The following DCK variants were observed in gnomAD, a reference collection of about 807,000 sequenced individuals.
The protein encoded by DCK is deoxycytidine kinase, also known as deoxyadenosine kinase.
DCK carries 23 observed loss-of-function variants against 38.3 expected under a neutral mutation model. That is an observed-to-expected ratio of 0.60 (90% CI 0.43 to 0.85). The LOEUF (loss-of-function observed/expected upper bound fraction) is 0.85. Among genes scored for constraint, DCK ranks in the 40% least tolerant of loss-of-function variants. The pLI, the probability that DCK is intolerant of heterozygous loss-of-function variation, is 0.00. For missense variants in DCK, 259 were observed against 304.4 expected (o/e 0.85, Z 1.11); for synonymous variants, 108 against 100.6 (o/e 1.07, Z -0.44).
At chr4:71,013,487 A>T (rs955077297) in intron 2 of DCK, among the ~76,000 whole-genome samples, 7 of 152,236 alleles carry the variant, frequency 4.6e-5, no homozygotes, top group Non-Finnish European at 8.8e-5. Flanking sequence ...ATGAAGGGAA[A>T]AATGTTAATG....
chr4:71,000,017 CTTAGT>C (rs1182265225), intron 2 of DCK, among the ~76,000 whole-genome samples: 2 of 152,070 alleles, frequency 1.3e-5, no homozygotes, highest in East Asian at 3.9e-4. Flanking sequence ...GCAGAAGCTC[CTTAGT>C]TTAATTAGAT....
chr4:71,023,974 G>A (rs1308672866), intron 4 of DCK, among the ~76,000 whole-genome samples: 1 of 151,970 alleles, frequency 6.6e-6, no homozygotes, highest in East Asian at 1.9e-4. Flanking sequence ...TCTAACATTT[G>A]CAGACTCTTC....
chr4:71,010,976 G>A (rs952580930), intron 2 of DCK, among the ~76,000 whole-genome samples: 5 of 146,752 alleles, frequency 3.4e-5, no homozygotes, highest in Admixed American at 2.8e-4. Flanking sequence ...TCGTTCTGTC[G>A]CTCAGGCTGA....
intron 2 of DCK, among the ~76,000 whole-genome samples, chr4:71,018,262 G>T (rs922312462): frequency 6.6e-6 from 1 of 151,600 alleles, no homozygotes; most frequent in African/African-American, 2.4e-5. Flanking sequence ...GAGTAGCTGA[G>T]ACTACAGGCG....
intron 1 of DCK, among the ~76,000 whole-genome samples, chr4:70,995,941 C>T (rs569780830): frequency 6.6e-6 from 1 of 151,222 alleles, no homozygotes; most frequent in African/African-American, 2.4e-5. Flanking sequence ...GCCAGTGGCT[C>T]AAGCTTGTAA....
intron 2 of DCK, chr4:71,006,396 A>G: frequency 2.4e-6 from 1 of 422,780 alleles, no homozygotes; most frequent in Non-Finnish European, 3.2e-6. Flanking sequence ...CGTTGCTAAG[A>G]TTTTCGTTTC....
chr4:71,005,055 C>T (rs1011853724), intron 2 of DCK, among the ~76,000 whole-genome samples: 6 of 152,314 alleles, frequency 3.9e-5, no homozygotes, highest in African/African-American at 9.6e-5. Context: ...CAGCTAACTC[C>T]GTGTCTGCCC....
In DCK at chr4:71,029,544, C is replaced by A; in HGVS notation, c.*166C>A. ...TGAATCTTATGCAAAACTTTTTGAC[C>A]AGTTTCTTTTCTTTTGTTTTTTTTT... is the stretch of plus-strand genomic sequence containing the variant. On this transcript the variant is annotated 3_prime_UTR_variant, in exon 7 of 7. Coordinates refer to ENST00000286648, the MANE Select transcript of DCK (RefSeq NM_000788.3). 2 of 570,596 alleles carry A rather than the reference C, an allele frequency of 3.5e-6. No individual in the cohort carries two copies. Among genetic ancestry groups the A allele is most frequent in the South Asian group, 2.4e-5 (1 of 41,300 alleles). The allele number at this position is 570,596 out of a possible 1,614,324, so 35.3% of individuals were successfully genotyped here. A position where few individuals can be genotyped will look rare whatever the true frequency, so the allele number is the denominator to read the frequency against.
chr4:71,022,388 A>G lies in DCK; in HGVS notation c.229A>G (p.Asn77Asp). The change falls in exon 3 of 7, where the codon AAT becomes GAT. Residue 77 changes from asparagine to aspartate, a missense_variant. Physicochemically the swap from Asn to Asp is conservative, Grantham distance 23. This residue lies in a region of DCK where 159 missense variants were observed against 159.0 expected (regional missense o/e 1.00). Transcript: ENST00000286648. ...EFEELTMSQK[N>D]GGNVLQMMYE... is the part of the protein sequence containing the mutation. ...ATAGGAACTTACAATGTCTCAGAAA[A>G]ATGGTGGGAATGTTCTTCAGATGAT... 1 of 1,526,698 alleles carries G rather than the reference A, an allele frequency of 6.6e-7. No homozygotes were observed. Among genetic ancestry groups the G allele is most frequent in the East Asian group, 2.4e-5 (1 of 41,262 alleles). The allele number at this position is 1,526,698 out of a possible 1,614,324, so 94.6% of individuals were successfully genotyped here.
At chr4:71,022,154 A>G (rs1048609530) in intron 2 of DCK, among the ~76,000 whole-genome samples, 1 of 152,236 alleles carries the variant, frequency 6.6e-6, no homozygotes, top group Admixed American at 6.5e-5. Flanking sequence ...TTAGTTTGTA[A>G]CCTCTTGTGA....
Position 71,006,932 on chromosome 4 carries a change from G to T in DCK, c.207+8750G>T, listed in dbSNP as rs1438202686. Among the ~76,000 whole-genome samples the T allele has an allele frequency of 2.0e-5, 3 of 152,188 alleles. No individual in the cohort carries two copies. The East Asian group carries it at 5.8e-4, about 29-fold the overall frequency. ...AAGTATCTAAAAAAATTTAGCTGTTGGTATAAGGAATTCTGGGAATAATAA... is the reference window on the plus strand; with the variant it reads ...AAGTATCTAAAAAAATTTAGCTGTTTGTATAAGGAATTCTGGGAATAATAA... On this transcript the variant is annotated intron_variant, in intron 2 of 6. Coordinates refer to ENST00000286648, the MANE Select transcript of DCK (RefSeq NM_000788.3).
rs755686207 is a variant in DCK at position 71,022,424 on chromosome 4, C to A, written c.265C>A (p.Pro89Thr). The change falls in exon 3 of 7, where the codon CCT becomes ACT. Residue 89 changes from proline to threonine, a missense_variant. Coordinates refer to ENST00000286648, the MANE Select transcript of DCK (RefSeq NM_000788.3). ...TGTTCTTCAGATGATGTATGAGAAA[C>A]CTGAACGATGGTCTTTTACCTTCCA... ...GNVLQMMYEK[P>T]ERWSFTFQTY... is the part of the protein sequence containing the mutation. The A allele has an allele frequency of 7.5e-6, 12 of 1,604,280 alleles. No individual in the cohort carries two copies. Among genetic ancestry groups the A allele is most frequent in the Non-Finnish European group, 1.0e-5 (12 of 1,176,252 alleles).
At chr4:71,014,243 A>G (rs1276813339) in intron 2 of DCK, among the ~76,000 whole-genome samples, 1 of 152,232 alleles carries the variant, frequency 6.6e-6, no homozygotes, top group African/African-American at 2.4e-5. Context: ...TATGCACCCA[A>G]TACAGGAGCA....
At chr4:71,003,783 A>T (rs186102144) in intron 2 of DCK, among the ~76,000 whole-genome samples, 175 of 152,222 alleles carry the variant, frequency 1.1e-3, no homozygotes, top group Non-Finnish European at 1.9e-3. Flanking sequence ...CCAAGTTCTC[A>T]TGCTGTGTTT....
intron 2 of DCK, among the ~76,000 whole-genome samples, chr4:71,016,922 C>A (rs867207916): frequency 1.3e-5 from 2 of 152,080 alleles, no homozygotes; most frequent in African/African-American, 4.8e-5. Flanking sequence ...CAAAAGCCAA[C>A]ATTGACAAAT....
Position 71,029,690 on chromosome 4 carries a change from T to C in DCK, c.*312T>C, listed in dbSNP as rs548895796. 190 of 248,976 alleles carry C rather than the reference T, an allele frequency of 7.6e-4. 1 individual carries two copies. Among genetic ancestry groups the C allele is most frequent in the Non-Finnish European group, 1.3e-3 (172 of 130,470 alleles). 15.4% of individuals were successfully genotyped at this position (248,976 alleles called of 1,614,324 possible). ...TAAAAGATCCAGCTTCCTTCTGTCA[T>C]TCCCCTCTTTTGTCTTCCTCAGCAG... On this transcript the variant is annotated 3_prime_UTR_variant, in exon 7 of 7. Coordinates refer to ENST00000286648, the MANE Select transcript of DCK (RefSeq NM_000788.3).
intron 2 of DCK, among the ~76,000 whole-genome samples, chr4:71,016,253 A>G (rs1740258258): frequency 6.6e-6 from 1 of 152,206 alleles, no homozygotes; most frequent in African/African-American, 2.4e-5. Context: ...TTCAAGGAGA[A>G]CTACAAACCA....
At chr4:71,026,339 C>CT (rs1479563741) in intron 5 of DCK, among the ~76,000 whole-genome samples, 2 of 152,054 alleles carry the variant, frequency 1.3e-5, no homozygotes, top group Non-Finnish European at 2.9e-5. Context: ...TGGATAGCCT[C>CT]TGAGCTTCAG....
chr4:71,021,799 G>A (rs539082402), intron 2 of DCK, among the ~76,000 whole-genome samples: 65 of 152,138 alleles, frequency 4.3e-4, no homozygotes, highest in African/African-American at 1.5e-3. Flanking sequence ...TCAGGAGATG[G>A]AGACCATCCT....
Sources: gnomAD v4.1 joint callset for allele counts (sites outside exome capture counted in the v4.1 genomes callset) on GRCh38, gnomAD v4.1.1 for gene constraint, gnomAD v4.1.1 regional missense constraint, MANE v1.5 for transcripts, NCBI Gene and HGNC (gene_info 2026-07-23, HGNC 2026-07-21) for gene names.